The following SLFN12L variants were observed in gnomAD, a reference collection of about 807,000 sequenced individuals.
The protein encoded by SLFN12L is schlafen family member 12-like.
SLFN12L carries 34 observed loss-of-function variants against 34.8 expected under a neutral mutation model. The ratio of observed to expected loss-of-function variants is 0.98; its 90% CI spans 0.74 to 1.30. The LOEUF is 1.30. SLFN12L is among the 50% of genes most tolerant of loss of function. SLFN12L has a pLI of 0.00. For missense variants in SLFN12L, 703 were observed against 696.2 expected (o/e 1.01, Z -0.11); for synonymous variants, 259 against 247.5 (o/e 1.05, Z -0.44).
chr17:35,524,498 C>T (rs1394762787), intron 1 of SLFN12L, among the ~76,000 whole-genome samples: 2 of 152,188 alleles, frequency 1.3e-5, no homozygotes, highest in Non-Finnish European at 2.9e-5. Flanking sequence ...TGGTGGGTGC[C>T]CCTCTGGCAC....
intron 2 of SLFN12L, among the ~76,000 whole-genome samples, chr17:35,512,359 A>ATTTT (rs35126425): frequency 1.9e-5 from 1 of 53,866 alleles, no homozygotes; most frequent in Non-Finnish European, 3.3e-5. Context: ...AAAAGAGCTG[A>ATTTT]TTTTTTTTTT....
chr17:35,498,903 A>C (rs1488130015), intron 2 of SLFN12L: 7 of 706,496 alleles, frequency 9.9e-6, no homozygotes, highest in Non-Finnish European at 1.5e-5. Context: ...TGATATGCCC[A>C]GCCCTATTCT....
chr17:35,498,865 G>T (rs1037111019), intron 2 of SLFN12L: 5 of 712,118 alleles, frequency 7.0e-6, no homozygotes, highest in South Asian at 1.6e-5. Flanking sequence ...AGCTCCTCCC[G>T]CAGTGAGAAC....
At chr17:35,498,405 C>T in intron 2 of SLFN12L, 1 of 1,286,028 alleles carries the variant, frequency 7.8e-7, no homozygotes, top group Non-Finnish European at 1.1e-6. Flanking sequence ...AGTCCCTTGC[C>T]AGGCAGAGCC....
At chr17:35,502,815 G>A (rs561934499) in intron 2 of SLFN12L, among the ~76,000 whole-genome samples, 1 of 152,196 alleles carries the variant, frequency 6.6e-6, no homozygotes, top group African/African-American at 2.4e-5. Context: ...CTTTGGAAAA[G>A]AACGGTTATC....
At chr17:35,496,526 C>T (rs1466097958) in intron 2 of SLFN12L, among the ~76,000 whole-genome samples, 2 of 150,842 alleles carry the variant, frequency 1.3e-5, no homozygotes, top group East Asian at 2.0e-4. Flanking sequence ...ACCGTCCCTC[C>T]GGCCCCTCCT....
At chr17:35,483,648 T>C (rs1425851574) in intron 2 of SLFN12L, among the ~76,000 whole-genome samples, 1 of 152,212 alleles carries the variant, frequency 6.6e-6, no homozygotes, top group African/African-American at 2.4e-5. Context: ...CTTTAGTCTA[T>C]GTATACATAA....
At chr17:35,488,898 C>T (rs145162932) in intron 2 of SLFN12L, among the ~76,000 whole-genome samples, 472 of 151,814 alleles carry the variant, frequency 3.1e-3, no homozygotes, top group African/African-American at 0.011. Flanking sequence ...GAAGAAATCC[C>T]GTCTCTACTA....
rs1454748357 is a variant in SLFN12L, at chr17:35,471,666, G to A, written c.*3257C>T. On this transcript the variant is annotated 3_prime_UTR_variant, in exon 5 of 5. Coordinates refer to ENST00000628453, the MANE Select transcript of SLFN12L (RefSeq NM_001363830.2). ...TTTAATAATCTTTCTTTTAATAAAA[G>A]ATTATTTAAAAGTTTTAAATATTCT... Among the ~76,000 whole-genome samples, 3 of 21,828 alleles carry A rather than the reference G, an allele frequency of 1.4e-4. No individual in the cohort carries two copies. The highest frequency in any genetic ancestry group is 8.5e-5 in the Non-Finnish European group (1 of 11,814). 14.3% of individuals were successfully genotyped at this position (21,828 alleles called of 152,430 possible).
chr17:35,509,782 C>G (rs1483089351), intron 2 of SLFN12L, among the ~76,000 whole-genome samples: 1 of 151,894 alleles, frequency 6.6e-6, no homozygotes, highest in Non-Finnish European at 1.5e-5. Flanking sequence ...ACTGCAAGCT[C>G]CGCCTCCTGG....
chr17:35,519,657 A>G (rs1182003921), intron 2 of SLFN12L, among the ~76,000 whole-genome samples: 4 of 152,182 alleles, frequency 2.6e-5, no homozygotes, highest in Admixed American at 6.5e-5. Context: ...AAAAGTAAAT[A>G]CGGTGGATCA....
intron 2 of SLFN12L, chr17:35,498,294 G>T: frequency 1.2e-6 from 1 of 810,500 alleles, no homozygotes; most frequent in Non-Finnish European, 2.2e-6. Flanking sequence ...GGACTCAGAC[G>T]GTCCCCTGAA....
At chr17:35,505,069 C>T (rs1291664875) in intron 2 of SLFN12L, among the ~76,000 whole-genome samples, 1 of 152,120 alleles carries the variant, frequency 6.6e-6, no homozygotes, top group African/African-American at 2.4e-5. Flanking sequence ...ATGAGGAATA[C>T]CAGATCAATT....
In SLFN12L at chr17:35,482,869, C is replaced by T. The variant is rs532632162; in HGVS notation, c.87-2674G>A. 4.1e-4 allele frequency among the ~76,000 whole-genome samples: 63 copies of T among 152,264 alleles called. No homozygotes were observed. In the South Asian group the frequency reaches 0.012, roughly 28 times the overall value. On this transcript the variant is annotated intron_variant, in intron 2 of 4. Transcript: ENST00000628453. ...CTGTAGACTGTGGGGACTTGTGGTG[C>T]CTCTTCTGGGGCTGCATGTGGACCA...
intron 2 of SLFN12L, among the ~76,000 whole-genome samples, chr17:35,492,718 A>G (rs1485966768): frequency 2.0e-5 from 3 of 152,186 alleles, no homozygotes; most frequent in African/African-American, 7.2e-5. Context: ...AAATCCTACC[A>G]GTTATGTCCA....
rs776111560 is a variant in SLFN12L, at chr17:35,479,589, T to C, written c.693A>G (p.Glu231=). ...ALAADFFNRT[E]LGYKEKLTFT... ...AGGTCAATTTTTCTTTATAACCAAGTTCTGTTCTGTTAAAAAAATCAGCAG... is the reference window on the plus strand; with the variant it reads ...AGGTCAATTTTTCTTTATAACCAAGCTCTGTTCTGTTAAAAAAATCAGCAG... Residue 231 remains glutamate (E), a synonymous_variant, in exon 3 of 5, where the codon GAA becomes GAG. Coordinates refer to ENST00000628453, the MANE Select transcript of SLFN12L (RefSeq NM_001363830.2). The C allele has an allele frequency of 1.2e-6, 2 of 1,613,250 alleles. No individual in the cohort carries two copies. Among genetic ancestry groups the C allele is most frequent in the South Asian group, 1.1e-5 (1 of 90,946 alleles).
At chr17:35,512,175 G>A (rs1334879137) in intron 2 of SLFN12L, among the ~76,000 whole-genome samples, 27 of 62,958 alleles carry the variant, frequency 4.3e-4, no homozygotes, top group African/African-American at 1.3e-3. Flanking sequence ...TTTTTTTTGA[G>A]ACGGAGTCTC....
At chr17:35,528,370 C>CAAAA (rs1268234818) in intron 1 of SLFN12L, among the ~76,000 whole-genome samples, 208 of 6,088 alleles carry the variant, frequency 0.034, no homozygotes, top group African/African-American at 0.22. Flanking sequence ...CATATAGAAC[C>CAAAA]AAGCCTGCAT....
chr17:35,509,986 C>A (rs142016071), intron 2 of SLFN12L: 1 of 152,190 alleles, frequency 6.6e-6, no homozygotes, highest in Non-Finnish European at 1.5e-5. Flanking sequence ...CGTGAGCCAC[C>A]GCGCCCGGCC....
Sources: allele counts gnomAD v4.1 joint callset (sites outside exome capture counted in the v4.1 genomes callset), GRCh38; gene constraint gnomAD v4.1.1; transcripts MANE v1.5; gene names NCBI Gene and HGNC (gene_info 2026-07-23, HGNC 2026-07-21).